The following PCSK5 variants were observed in gnomAD, a reference collection of about 807,000 sequenced individuals.
PCSK5 encodes the protein proprotein convertase subtilisin/kexin type 5.
PCSK5 carries 129 observed loss-of-function variants against 233.2 expected under a neutral mutation model. The observed-to-expected ratio is 0.55, with a 90% confidence interval of 0.48 to 0.64. The LOEUF (loss-of-function observed/expected upper bound fraction) is 0.64, where lower values mean the gene tolerates loss of function less well. Among genes scored for constraint, PCSK5 ranks in the 30% least tolerant of loss-of-function variants. The pLI is 0.00. For missense variants in PCSK5, 2,076 were observed against 2,430.1 expected, an observed-to-expected ratio of 0.85 and a Z score of 3.06; for synonymous variants, 825 against 879.2, an observed-to-expected ratio of 0.94 and a Z score of 1.09.
chr9:76,239,229 G>A (rs1826352767), intron 23 of PCSK5, 64 bp downstream of exon 23: 12 of 1,352,864 alleles, frequency 8.9e-6, no homozygotes, highest in Non-Finnish European at 1.2e-5. Context: ...CACCCTGGAT[G>A]TCCTGGAGAC....
At chr9:76,325,500 T>C (rs1384671800) in intron 32 of PCSK5, among the ~76,000 whole-genome samples, 1 of 152,176 alleles carries the variant, frequency 6.6e-6, no homozygotes, top group African/African-American at 2.4e-5. Context: ...TTGAGAGCCA[T>C]TGAGGTAAAT....
chr9:76,323,775 G>A (rs1343559185), intron 32 of PCSK5, among the ~76,000 whole-genome samples: 1 of 152,198 alleles, frequency 6.6e-6, no homozygotes, highest in Non-Finnish European at 1.5e-5. Context: ...CCTCACAACA[G>A]TGGCTATGAA....
At chr9:76,320,221 T>A (rs945888954) in intron 30 of PCSK5, among the ~76,000 whole-genome samples, 25 of 151,916 alleles carry the variant, frequency 1.6e-4, no homozygotes, top group Admixed American at 1.3e-3. Flanking sequence ...GGCTGGACCC[T>A]ACAGACCATC....
chr9:75,961,456 G>T (rs1408820343), intron 2 of PCSK5, among the ~76,000 whole-genome samples: 1 of 152,182 alleles, frequency 6.6e-6, no homozygotes, highest in African/African-American at 2.4e-5. Flanking sequence ...GCTAACCACT[G>T]TGGCCATTGT....
chr9:75,943,284 G>T (rs1824406037), intron 2 of PCSK5, among the ~76,000 whole-genome samples: 1 of 152,128 alleles, frequency 6.6e-6, no homozygotes, highest in Non-Finnish European at 1.5e-5. Flanking sequence ...ATTAAGAAGG[G>T]AATTTTGAAC....
intron 2 of PCSK5, among the ~76,000 whole-genome samples, chr9:75,961,149 C>T (rs975468859): frequency 6.6e-6 from 1 of 152,298 alleles, no homozygotes; most frequent in African/African-American, 2.4e-5. Flanking sequence ...TGTGATTGAG[C>T]TGAACCTGAA....
intron 20 of PCSK5, among the ~76,000 whole-genome samples, chr9:76,190,347 TTAC>T (rs1175579065): frequency 1.1e-3 from 162 of 149,850 alleles, no homozygotes; most frequent in African/African-American, 3.6e-3. Flanking sequence ...TTTTTTTTTT[TTAC>T]AGTCTCCATA....
chr9:75,941,790 G>A (rs767916677), intron 2 of PCSK5, among the ~76,000 whole-genome samples: 32 of 152,090 alleles, frequency 2.1e-4, no homozygotes, highest in African/African-American at 6.3e-4. Context: ...TGTGGGTGCC[G>A]GGTCCACTGT....
At chr9:76,308,017 C>T (rs1400060432) in intron 28 of PCSK5, among the ~76,000 whole-genome samples, 1 of 151,804 alleles carries the variant, frequency 6.6e-6, no homozygotes, top group Non-Finnish European at 1.5e-5. Flanking sequence ...GTCAACATGG[C>T]AAAACCCCGT....
At chr9:76,262,310 C>A (rs1564142484) in intron 24 of PCSK5, among the ~76,000 whole-genome samples, 1 of 152,148 alleles carries the variant, frequency 6.6e-6, no homozygotes, top group African/African-American at 2.4e-5. Flanking sequence ...AAAGAGCATG[C>A]ATCACCAAGT....
intron 5 of PCSK5, among the ~76,000 whole-genome samples, chr9:76,060,969 T>G (rs1409259395): frequency 1.3e-5 from 2 of 152,174 alleles, no homozygotes; most frequent in Non-Finnish European, 2.9e-5. Context: ...GAGATATAAC[T>G]AATATAAACA....
intron 1 of PCSK5, among the ~76,000 whole-genome samples, chr9:75,894,228 G>A (rs544446048): frequency 6.6e-6 from 1 of 152,254 alleles, no homozygotes; most frequent in Non-Finnish European, 1.5e-5. Flanking sequence ...AGGTGAGTAA[G>A]GTAGTAAATT....
chr9:75,942,453 T>C (rs149662193), intron 2 of PCSK5, among the ~76,000 whole-genome samples: 1 of 152,344 alleles, frequency 6.6e-6, no homozygotes, highest in Non-Finnish European at 1.5e-5. Flanking sequence ...ATATTAGTTC[T>C]GTCAGTTATG....
intron 20 of PCSK5, among the ~76,000 whole-genome samples, chr9:76,220,627 C>A (rs1314001018): frequency 9.9e-5 from 14 of 141,748 alleles, no homozygotes; most frequent in Non-Finnish European, 1.5e-5. Context: ...TGTTTAGAAA[C>A]TTAAAAAAAA....
intron 13 of PCSK5, 112 bp from the exon 14 acceptor site, chr9:76,174,874 A>G: frequency 1.1e-6 from 1 of 888,872 alleles, no homozygotes; most frequent in Non-Finnish European, 1.8e-6. Context: ...ATTGATATCC[A>G]TCTGCCTCCC....
intron 8 of PCSK5, among the ~76,000 whole-genome samples, chr9:76,097,704 A>G (rs1831594445): frequency 6.6e-6 from 1 of 152,246 alleles, no homozygotes; most frequent in East Asian, 1.9e-4. Context: ...TTAGTAGCAC[A>G]TAGTTCATGG....
chr9:75,919,067 C>A (rs1823128640), intron 1 of PCSK5, among the ~76,000 whole-genome samples: 1 of 152,132 alleles, frequency 6.6e-6, no homozygotes. Flanking sequence ...CCATAAGAAA[C>A]AGAAAAATTC....
intron 35 of PCSK5, among the ~76,000 whole-genome samples, chr9:76,341,155 G>A (rs960353163): frequency 3.3e-5 from 5 of 152,024 alleles, no homozygotes; most frequent in Non-Finnish European, 7.4e-5. Context: ...GGCAAGGGAT[G>A]TCAAGACAGC....
chr9:76,014,560 T>C (rs111504220), intron 3 of PCSK5, among the ~76,000 whole-genome samples: 3,820 of 152,312 alleles, frequency 0.025, 163 homozygotes, highest in African/African-American at 0.087. Flanking sequence ...GAACAGTATT[T>C]GCTTCTGTCA....
Sources: gnomAD v4.1 joint callset for allele counts (sites outside exome capture counted in the v4.1 genomes callset) on GRCh38, gnomAD v4.1.1 for gene constraint, MANE v1.5 for transcripts, NCBI Gene and HGNC (gene_info 2026-07-23, HGNC 2026-07-21) for gene names.